Variants in DIXDC1 observed in about 807,000 individuals in gnomAD.
The protein encoded by DIXDC1 is dixin.
A neutral mutation model predicts 103.1 loss-of-function variants in DIXDC1; 64 were observed. That is an observed-to-expected ratio of 0.62 (90% confidence interval 0.51 to 0.76). The LOEUF is 0.76. Among genes scored for constraint, DIXDC1 ranks in the 30% least tolerant of loss-of-function variants. The pLI is 0.00. For synonymous variants in DIXDC1, 266 were observed against 298.5 expected, an observed-to-expected ratio of 0.89 and a Z score of 1.12; for missense variants, 759 against 834.2, an observed-to-expected ratio of 0.91 and a Z score of 1.11.
intron 10 of DIXDC1, among the ~76,000 whole-genome samples, chr11:111,991,069 G>C (rs1860697727): frequency 6.6e-6 from 1 of 152,176 alleles, no homozygotes. Flanking sequence ...AGTAGAAGAG[G>C]ATGTTTTTAA....
chr11:111,987,021 C>T (rs1169032256), intron 9 of DIXDC1, 97 bp downstream of exon 9: 60 of 948,754 alleles, frequency 6.3e-5, no homozygotes, highest in Admixed American at 1.8e-4. Flanking sequence ...GAGGCCGAGG[C>T]GGGCAGATCA....
chr11:111,966,525 T>A (rs1555171563), intron 2 of DIXDC1, among the ~76,000 whole-genome samples: 3 of 146,724 alleles, frequency 2.0e-5, no homozygotes, highest in Non-Finnish European at 1.5e-5. Flanking sequence ...TGCCTCAGCC[T>A]CCTGAGTAGC....
chr11:111,931,511 C>T (rs587595800), intron 2 of DIXDC1, among the ~76,000 whole-genome samples: 11 of 152,112 alleles, frequency 7.2e-5, no homozygotes, highest in African/African-American at 2.2e-4. Flanking sequence ...GACGTGGTGG[C>T]GGACGCCTGT....
intron 8 of DIXDC1, among the ~76,000 whole-genome samples, chr11:111,986,242 C>T (rs587700609): frequency 7.0e-4 from 106 of 152,282 alleles, no homozygotes; most frequent in African/African-American, 2.4e-3. Flanking sequence ...CATTGATTCC[C>T]CATTGCCCTC....
chr11:112,018,927 T>C (rs781826401), intron 19 of DIXDC1, 29 bp from the exon 20 acceptor site: 20 of 1,597,776 alleles, frequency 1.3e-5, no homozygotes, highest in Admixed American at 1.7e-5. Context: ...CCCTGTTTTT[T>C]CACTGTGGCT....
At chr11:111,938,515 C>T (rs1018140369) in intron 1 of DIXDC1, among the ~76,000 whole-genome samples, 1 of 152,166 alleles carries the variant, frequency 6.6e-6, no homozygotes, top group Non-Finnish European at 1.5e-5. Context: ...AGTTTTTACT[C>T]AACATATGAA....
chr11:111,939,945 A>G (rs1017768095), intron 1 of DIXDC1, among the ~76,000 whole-genome samples: 1 of 152,244 alleles, frequency 6.6e-6, no homozygotes, highest in Non-Finnish European at 1.5e-5. Context: ...ACATGTATCC[A>G]GTCACCTCCT....
intron 1 of DIXDC1, chr11:111,946,854 G>A: frequency 2.5e-6 from 1 of 393,466 alleles, no homozygotes; most frequent in East Asian, 5.9e-5. Context: ...AGGCTGTATT[G>A]CAGAAAAGCC....
At chr11:111,928,931 C>T (rs1303790148) in intron 1 of DIXDC1, among the ~76,000 whole-genome samples, 1 of 152,178 alleles carries the variant, frequency 6.6e-6, no homozygotes, top group African/African-American at 2.4e-5. Flanking sequence ...GTGGCTCACG[C>T]CTGTAATCCT....
At chr11:111,955,088 C>G (rs1026316805) in intron 1 of DIXDC1, among the ~76,000 whole-genome samples, 2 of 152,022 alleles carry the variant, frequency 1.3e-5, no homozygotes, top group African/African-American at 4.8e-5. Context: ...ATCTTGCTTT[C>G]TAAAAACTAT....
chr11:111,955,249 T>C (rs1555170457), intron 1 of DIXDC1, among the ~76,000 whole-genome samples: 1 of 150,418 alleles, frequency 6.6e-6, no homozygotes, highest in African/African-American at 2.5e-5. Flanking sequence ...GTTGGGAGGA[T>C]TGCTTGAGCC....
intron 1 of DIXDC1, among the ~76,000 whole-genome samples, chr11:111,963,569 T>C (rs1592570255): frequency 6.6e-6 from 1 of 152,328 alleles, no homozygotes; most frequent in African/African-American, 2.4e-5. Flanking sequence ...AATTAGCCCT[T>C]GAACTTAAAT....
chr11:111,932,861 TA>T (rs144315645), upstream of DIXDC1, among the ~76,000 whole-genome samples: 3,781 of 152,276 alleles, frequency 0.025, 163 homozygotes, highest in African/African-American at 0.086. Context: ...GTGTTATGTG[TA>T]TATTTATGTG....
chr11:112,003,096 G>C, intron 17 of DIXDC1, among the ~76,000 whole-genome samples: 1 of 152,160 alleles, frequency 6.6e-6, no homozygotes, highest in South Asian at 2.1e-4. Flanking sequence ...GGAAGGCTTG[G>C]GGAGGGTGAC....
At chr11:111,971,902 T>C (rs1859948738) in intron 3 of DIXDC1, among the ~76,000 whole-genome samples, 1 of 152,058 alleles carries the variant, frequency 6.6e-6, no homozygotes, top group African/African-American at 2.4e-5. Context: ...TTACTTATAA[T>C]TGGGAACTAA....
intron 15 of DIXDC1, 120 bp downstream of exon 15, chr11:111,995,228 G>C (rs1860855234): frequency 7.5e-7 from 1 of 1,336,430 alleles, no homozygotes; most frequent in Non-Finnish European, 1.0e-6. Context: ...TGGATCTGTG[G>C]AGTGTGTAAA....
At chr11:111,931,641 C>G (rs1483280897) in intron 2 of DIXDC1, among the ~76,000 whole-genome samples, 1 of 151,760 alleles carries the variant, frequency 6.6e-6, no homozygotes, top group Non-Finnish European at 1.5e-5. Flanking sequence ...AGACTCCATC[C>G]CAAAATAAAT....
chr11:111,932,414 G>C (rs952108905), upstream of DIXDC1, among the ~76,000 whole-genome samples: 2 of 151,506 alleles, frequency 1.3e-5, no homozygotes, highest in Admixed American at 6.6e-5. Flanking sequence ...CCCAGGAATA[G>C]GTTAAAAAAA....
At chr11:111,967,310 G>A (rs1451807595) in intron 2 of DIXDC1, among the ~76,000 whole-genome samples, 1 of 152,150 alleles carries the variant, frequency 6.6e-6, no homozygotes, top group Non-Finnish European at 1.5e-5. Context: ...TATTCTCCAA[G>A]TTTCTTCATC....
Sources: allele counts gnomAD v4.1 joint callset (sites outside exome capture counted in the v4.1 genomes callset), GRCh38; gene constraint gnomAD v4.1.1; transcripts MANE v1.5; gene names NCBI Gene and HGNC (gene_info 2026-07-23, HGNC 2026-07-21).